TACR1: variants seen among roughly 807,000 people sequenced by gnomAD.
TACR1 encodes the protein tachykinin receptor 1, also known as substance-P receptor.
Under a neutral mutation model 35.8 loss-of-function variants are expected in TACR1, and 25 were observed. The observed-to-expected ratio is 0.70, with a 90% CI of 0.51 to 0.98. The LOEUF (loss-of-function observed/expected upper bound fraction) is 0.98. Ranked by LOEUF, TACR1 falls within the 50% of genes least tolerant of loss-of-function variation. TACR1 has a pLI of 0.00. For synonymous variants in TACR1, 195 were observed against 206.7 expected (o/e 0.94, Z 0.48); for missense variants, 478 against 522.9 (o/e 0.91, Z 0.84).
intron 3 of TACR1, 105 bp from the exon 4 acceptor site, chr2:75,051,552 G>C: frequency 6.5e-7 from 1 of 1,530,682 alleles, no homozygotes; most frequent in Non-Finnish European, 8.8e-7. Context: ...GGGATGAAGC[G>C]AGAAGTATTT....
chr2:75,165,205 C>G (rs1675109597), intron 1 of TACR1, among the ~76,000 whole-genome samples: 1 of 152,206 alleles, frequency 6.6e-6, no homozygotes, highest in Non-Finnish European at 1.5e-5. Flanking sequence ...GCCTTAATCC[C>G]TTTTTGAACG....
intron 1 of TACR1, among the ~76,000 whole-genome samples, chr2:75,144,150 C>T (rs6731298): frequency 0.49 from 74,721 of 152,090 alleles, 19,501 homozygotes; most frequent in African/African-American, 0.57. Flanking sequence ...GGGGCCACTA[C>T]TGGGACAATA....
intron 2 of TACR1, among the ~76,000 whole-genome samples, chr2:75,110,393 TATAG>T (rs1160184683): frequency 6.6e-6 from 1 of 152,044 alleles, no homozygotes; most frequent in African/African-American, 2.4e-5. Context: ...TTATTTTCAG[TATAG>T]ATAAATTATT....
chr2:75,134,067 G>A (rs1212033973), intron 1 of TACR1, among the ~76,000 whole-genome samples: 5 of 152,124 alleles, frequency 3.3e-5, no homozygotes, highest in Admixed American at 2.0e-4. Context: ...ACCCTGCACG[G>A]TCTAAAAAGG....
chr2:75,151,954 C>G (rs1197291958), intron 1 of TACR1, among the ~76,000 whole-genome samples: 2 of 152,106 alleles, frequency 1.3e-5, no homozygotes, highest in African/African-American at 2.4e-5. Context: ...ATTTGACTGC[C>G]CATTGGATTT....
intron 1 of TACR1, chr2:75,154,410 G>A (rs918608493): frequency 0.015 from 1,142 of 74,908 alleles, 53 homozygotes; most frequent in African/African-American, 0.026. Context: ...GAGCGCGCAC[G>A]CACACACACA....
Position 75,094,859 on chromosome 2 carries a change from A to ATT in TACR1, c.584+25713_584+25714dup, listed in dbSNP as rs58283121. Among the ~76,000 whole-genome samples, 82 of 113,082 alleles carry ATT rather than the reference A, an allele frequency of 7.3e-4. 1 individual carries two copies. Among genetic ancestry groups the ATT allele is most frequent in the South Asian group, 1.1e-3 (4 of 3,684 alleles). 74.2% of individuals were successfully genotyped at this position (113,082 alleles called of 152,430 possible). A position where few individuals can be genotyped will look rare whatever the true frequency, so the allele number is the denominator to read the frequency against. On this transcript the variant is annotated intron_variant, in intron 2 of 4. Transcript: ENST00000305249. ...GAAACATATATATATATATATATAT[A>ATT]TTTTTTTTTTTTTTGCCCAAGATGG...
intron 1 of TACR1, among the ~76,000 whole-genome samples, chr2:75,186,326 C>T (rs1436102622): frequency 5.8e-5 from 8 of 136,988 alleles, no homozygotes; most frequent in Non-Finnish European, 1.2e-4. Flanking sequence ...GAGCTGAGAT[C>T]GTGCCATTTT....
At chr2:75,161,629 A>G (rs1675011866) in intron 1 of TACR1, among the ~76,000 whole-genome samples, 1 of 152,180 alleles carries the variant, frequency 6.6e-6, no homozygotes, top group Non-Finnish European at 1.5e-5. Flanking sequence ...TAGTCCATAT[A>G]GTAAAGGAGG....
At chr2:75,077,720 T>C (rs981138952) in intron 2 of TACR1, among the ~76,000 whole-genome samples, 4 of 152,208 alleles carry the variant, frequency 2.6e-5, no homozygotes, top group Non-Finnish European at 5.9e-5. Context: ...CCAGCCCTCC[T>C]GTCTTGTACT....
intron 1 of TACR1, among the ~76,000 whole-genome samples, chr2:75,128,454 C>A (rs1042002512): frequency 4.6e-5 from 7 of 152,150 alleles, no homozygotes; most frequent in Admixed American, 2.6e-4. Flanking sequence ...GGGGAAAAAA[C>A]AGTGAAGGTC....
At position 75,053,764 on chromosome 2, in the gene TACR1, A is replaced by G. The variant is rs1354495990; in HGVS notation, c.585-9T>C. 6.2e-7 allele frequency: 1 copy of G among 1,614,208 alleles called. No homozygotes were observed. The highest frequency in any genetic ancestry group is 1.1e-5 in the South Asian group (1 of 91,078). On this transcript the variant is annotated splice_polypyrimidine_tract_variant and intron_variant, in intron 2 of 4. Coordinates refer to ENST00000305249, the MANE Select transcript of TACR1 (RefSeq NM_001058.4). ...TCACACAGATGTGGTACCTACAGCA[A>G]GGTAAACAGGAAAGGTCAGTATGAT... is the stretch of plus-strand genomic sequence containing the variant.
intron 2 of TACR1, among the ~76,000 whole-genome samples, chr2:75,063,057 C>T (rs1345640078): frequency 6.6e-6 from 1 of 152,114 alleles, no homozygotes; most frequent in Non-Finnish European, 1.5e-5. Flanking sequence ...AAAACTTGTG[C>T]AGGGAAACTC....
intron 1 of TACR1, among the ~76,000 whole-genome samples, chr2:75,184,772 G>T (rs1223017701): frequency 6.6e-6 from 1 of 151,028 alleles, no homozygotes; most frequent in Non-Finnish European, 1.5e-5. Flanking sequence ...TATGTATTAT[G>T]CAATATATAA....
intron 1 of TACR1, among the ~76,000 whole-genome samples, chr2:75,181,647 G>A (rs1353942588): frequency 6.6e-6 from 1 of 152,106 alleles, no homozygotes; most frequent in Non-Finnish European, 1.5e-5. Context: ...TTGTTACTGA[G>A]GCCCCATTAA....
At chr2:75,155,335 C>T (rs1474885894) in intron 1 of TACR1, among the ~76,000 whole-genome samples, 5 of 152,158 alleles carry the variant, frequency 3.3e-5, no homozygotes, top group Admixed American at 6.5e-5. Flanking sequence ...CCTCTCTTGC[C>T]GTGAGCAACC....
chr2:75,062,482 A>G (rs573440252), intron 2 of TACR1, among the ~76,000 whole-genome samples: 1 of 152,352 alleles, frequency 6.6e-6, no homozygotes, highest in East Asian at 1.9e-4. Context: ...AAGTATTTCT[A>G]TAACAAAATT....
intron 2 of TACR1, among the ~76,000 whole-genome samples, chr2:75,077,467 C>T (rs1673002488): frequency 1.3e-5 from 2 of 152,140 alleles, no homozygotes; most frequent in Non-Finnish European, 2.9e-5. Context: ...TAGACTCTTC[C>T]AGAAGAAGCT....
intron 1 of TACR1, among the ~76,000 whole-genome samples, chr2:75,185,394 TATAAA>T (rs1231512148): frequency 6.6e-6 from 1 of 151,910 alleles, no homozygotes; most frequent in East Asian, 1.9e-4. Context: ...CATAAAATAA[TATAAA>T]ATAATCACTG....
Sources: gnomAD v4.1 joint callset for allele counts (sites outside exome capture counted in the v4.1 genomes callset) on GRCh38, gnomAD v4.1.1 for gene constraint, MANE v1.5 for transcripts, NCBI Gene and HGNC (gene_info 2026-07-23, HGNC 2026-07-21) for gene names.